Variants in DCT observed in about 807,000 individuals in gnomAD.
DCT encodes the protein dopachrome tautomerase, also known as L-dopachrome tautomerase.
A neutral mutation model predicts 53.0 loss-of-function variants in DCT; 47 were observed. The ratio of observed to expected loss-of-function variants is 0.89; its 90% CI spans 0.70 to 1.13. The LOEUF is 1.13. DCT is among the 50% of genes most tolerant of loss of function. The pLI, the probability that DCT is intolerant of heterozygous loss-of-function variation, is 0.00. For missense variants in DCT, 669 were observed against 637.4 expected (o/e 1.05, Z -0.53); for synonymous variants, 244 against 237.0 (o/e 1.03, Z -0.27).
intron 1 of DCT, among the ~76,000 whole-genome samples, chr13:94,477,584 A>C (rs1885177006): frequency 6.6e-6 from 1 of 152,188 alleles, no homozygotes; most frequent in African/African-American, 2.4e-5. Context: ...CTCAAACCCT[A>C]GCACTGTGCA....
the DCT span, among the ~76,000 whole-genome samples, chr13:94,510,557 G>A: frequency 0.074 from 11,336 of 152,186 alleles, 880 homozygotes; most frequent in African/African-American, 0.2. Flanking sequence ...GGATGTAGTG[G>A]GTTAAATATA....
At chr13:94,475,414 T>A (rs1294410375) in intron 1 of DCT, among the ~76,000 whole-genome samples, 1 of 152,196 alleles carries the variant, frequency 6.6e-6, no homozygotes, top group African/African-American at 2.4e-5. Flanking sequence ...TTGTGCTAAG[T>A]GAAATAAGTC....
the DCT span, among the ~76,000 whole-genome samples, chr13:94,517,120 G>C: frequency 1.3e-5 from 2 of 152,304 alleles, 1 homozygote; most frequent in East Asian, 3.9e-4. Context: ...AGCGAAGTAA[G>C]GGATTGAGGA....
the DCT span, among the ~76,000 whole-genome samples, chr13:94,490,525 A>AAAAAAC: frequency 1.3e-5 from 2 of 148,272 alleles, 1 homozygote; most frequent in African/African-American, 5.0e-5. Context: ...AAAAAAAAAA[A>AAAAAAC]AAAAAACAAC....
At chr13:94,536,654 G>A in the DCT span, among the ~76,000 whole-genome samples, 2 of 152,132 alleles carry the variant, frequency 1.3e-5, no homozygotes, top group African/African-American at 4.8e-5. Context: ...ATGAATAAAA[G>A]CTTCCTGGCT....
the DCT span, among the ~76,000 whole-genome samples, chr13:94,495,566 G>A: frequency 6.6e-6 from 1 of 152,176 alleles, no homozygotes; most frequent in Middle Eastern, 3.2e-3. Context: ...AAATTTTAGT[G>A]AATGTAGGAG....
chr13:94,548,158 T>C, the DCT span, among the ~76,000 whole-genome samples: 6 of 151,626 alleles, frequency 4.0e-5, no homozygotes, highest in African/African-American at 1.2e-4. Flanking sequence ...ATTTAGGAGG[T>C]AGCAATGTTA....
chr13:94,492,351 T>C, the DCT span, among the ~76,000 whole-genome samples: 3 of 152,246 alleles, frequency 2.0e-5, no homozygotes, highest in East Asian at 1.9e-4. Flanking sequence ...AAGTTGAAGG[T>C]GGTTGGGTCT....
At chr13:94,518,113 GGAA>G in the DCT span, among the ~76,000 whole-genome samples, 1 of 62,772 alleles carries the variant, frequency 1.6e-5, no homozygotes, top group African/African-American at 1.0e-4. Flanking sequence ...ACGAAGGGAA[GGAA>G]GGAAGGAAGG....
chr13:94,534,770 G>A, the DCT span, among the ~76,000 whole-genome samples: 3 of 152,224 alleles, frequency 2.0e-5, no homozygotes, highest in Admixed American at 6.5e-5. Context: ...CTTCTAGGGA[G>A]GGTGGGTCTA....
At chr13:94,542,744 T>C in the DCT span, among the ~76,000 whole-genome samples, 1 of 152,200 alleles carries the variant, frequency 6.6e-6, no homozygotes, top group African/African-American at 2.4e-5. Context: ...AAACAAAAAG[T>C]AATTTACTTG....
At chr13:94,500,971 CT>C in the DCT span, among the ~76,000 whole-genome samples, 1 of 151,974 alleles carries the variant, frequency 6.6e-6, no homozygotes, top group African/African-American at 2.4e-5. Context: ...TTTTTAGTTT[CT>C]TTTTTTTCTA....
chr13:94,444,462 C>T (rs529069343), intron 6 of DCT: 2 of 492,446 alleles, frequency 4.1e-6, no homozygotes, highest in South Asian at 1.5e-5. Context: ...ACAAAGTGCT[C>T]ATTTATGTTT....
At chr13:94,546,779 G>T in the DCT span, among the ~76,000 whole-genome samples, 1 of 152,120 alleles carries the variant, frequency 6.6e-6, no homozygotes, top group Admixed American at 6.6e-5. This position sits in a 1 kb window ranked among gnomAD's most constrained non-coding sequence, Gnocchi z 4.2. Context: ...CTTAGGAGTT[G>T]GGCGAGTAAG....
intron 4 of DCT, among the ~76,000 whole-genome samples, chr13:94,465,283 C>T (rs1308414354): frequency 6.6e-6 from 1 of 152,162 alleles, no homozygotes; most frequent in Non-Finnish European, 1.5e-5. Flanking sequence ...TGATTGAATG[C>T]AAGAACTACT....
chr13:94,460,598 T>C (rs1057211654), intron 5 of DCT, among the ~76,000 whole-genome samples: 9 of 152,118 alleles, frequency 5.9e-5, no homozygotes, highest in African/African-American at 2.2e-4. Flanking sequence ...TATAATCTGA[T>C]ATTTATATTT....
chr13:94,505,599 G>A, the DCT span, among the ~76,000 whole-genome samples: 6 of 152,312 alleles, frequency 3.9e-5, no homozygotes, highest in East Asian at 1.9e-4. Flanking sequence ...GAGGAAGACC[G>A]GGAGGATACC....
At chr13:94,472,590 T>C (rs1884815262) in intron 1 of DCT, among the ~76,000 whole-genome samples, 1 of 90,266 alleles carries the variant, frequency 1.1e-5, no homozygotes, top group South Asian at 4.3e-4. Flanking sequence ...TTTTTTTTTT[T>C]TTTTTTTTGT....
the DCT span, among the ~76,000 whole-genome samples, chr13:94,513,735 T>C: frequency 0.49 from 73,809 of 151,610 alleles, 20,193 homozygotes; most frequent in African/African-American, 0.74. Flanking sequence ...GCCTGTAATC[T>C]CAGCACTTTG....
Sources: gnomAD v4.1 joint callset for allele counts (sites outside exome capture counted in the v4.1 genomes callset) on GRCh38, gnomAD v4.1.1 for gene constraint, Gnocchi (gnomAD v3.1) non-coding constraint, MANE v1.5 for transcripts, NCBI Gene and HGNC (gene_info 2026-07-23, HGNC 2026-07-21) for gene names.